ROS1: variants seen among roughly 807,000 people sequenced by gnomAD.
ROS1 encodes ROS proto-oncogene 1, receptor tyrosine kinase.
In ROS1, 263 loss-of-function variants were observed where a neutral mutation model predicts 273.5. The observed-to-expected ratio is 0.96, with a 90% confidence interval of 0.87 to 1.06. ROS1 has a LOEUF of 1.06. ROS1 is among the 50% of genes least tolerant of loss of function. The pLI is 0.00. For missense variants in ROS1, 2,833 were observed against 2,751.1 expected (o/e 1.03, Z -0.67); for synonymous variants, 1,008 against 954.1 (o/e 1.06, Z -1.04).
At chr6:117,401,908 T>C (rs963757621) in intron 7 of ROS1, among the ~76,000 whole-genome samples, 2 of 150,030 alleles carry the variant, frequency 1.3e-5, no homozygotes, top group Non-Finnish European at 3.0e-5. Context: ...TAAAATTACA[T>C]CAAGAAATAA....
intron 29 of ROS1, 67 bp downstream of exon 29, chr6:117,342,333 A>G: frequency 7.2e-7 from 1 of 1,380,130 alleles, no homozygotes; most frequent in African/African-American, 1.5e-5. Context: ...AAAAATAAAC[A>G]TCAACATACA....
intron 41 of ROS1, among the ~76,000 whole-genome samples, chr6:117,309,234 A>G (rs574081634): frequency 6.7e-4 from 102 of 152,310 alleles, no homozygotes; most frequent in African/African-American, 2.3e-3. Flanking sequence ...ACACATATGC[A>G]CACACAGAAA....
intron 13 of ROS1, 134 bp from the exon 14 acceptor site, chr6:117,388,126 T>C: frequency 7.5e-7 from 1 of 1,333,548 alleles, no homozygotes; most frequent in Non-Finnish European, 1.0e-6. Context: ...GCTACCCCGA[T>C]AATCACCAGG....
chr6:117,288,781 C>A lies in ROS1; in HGVS notation c.6737G>T (p.Cys2246Phe), dbSNP rs779954823. The A allele has an allele frequency of 1.9e-6, 3 of 1,602,206 alleles. No homozygotes were observed. Among genetic ancestry groups the A allele is most frequent in the Non-Finnish European group, 2.6e-6 (3 of 1,174,536 alleles). ...SFEGEDGDVI[C>F]LNSDDIMPVA... ...TGGCATAATGTCATCTGAATTCAAACAAATCACATCGCCATCTTCACCTGT... is the reference window on the plus strand; with the variant it reads ...TGGCATAATGTCATCTGAATTCAAAAAAATCACATCGCCATCTTCACCTGT... Residue 2246 changes from cysteine (C) to phenylalanine (F), a missense_variant, in exon 44 of 44, where the codon TGT becomes TTT. Cys to Phe is a radical substitution (Grantham distance 205). Coordinates refer to ENST00000368507, the MANE Select transcript of ROS1 (RefSeq NM_001378902.1).
chr6:117,289,281 T>G (rs1017429246), intron 43 of ROS1, among the ~76,000 whole-genome samples: 1 of 152,242 alleles, frequency 6.6e-6, no homozygotes, highest in African/African-American at 2.4e-5. Flanking sequence ...AATTAATTGC[T>G]TAATGTAATA....
chr6:117,301,213 A>T (rs1455980660), intron 42 of ROS1, 76 bp from the exon 43 acceptor site: 2 of 1,245,124 alleles, frequency 1.6e-6, no homozygotes, highest in African/African-American at 3.1e-5. Flanking sequence ...GGGTCATTTT[A>T]GAAAGGAAAG....
chr6:117,416,313 A>G lies in ROS1; in HGVS notation c.173T>C (p.Ile58Thr). Residue 58 changes from isoleucine to threonine, a missense_variant, in exon 3 of 44, where the codon ATC (isoleucine) becomes ACC (threonine). Ile to Thr is a moderately conservative substitution (Grantham distance 89, BLOSUM62 -1). Coordinates refer to ENST00000368507, the MANE Select transcript of ROS1 (RefSeq NM_001378902.1). ...AGAGTTCCAAAAGTGACATCCTTGGATACACTGCAAGAGACAATAACAGAC... is the reference window on the plus strand; with the variant it reads ...AGAGTTCCAAAAGTGACATCCTTGGGTACACTGCAAGAGACAATAACAGAC... Reference protein sequence around the residue: ...GTPHNLSEPCIQGCHFWNSVD... With the variant: ...GTPHNLSEPCTQGCHFWNSVD... 2.5e-6 allele frequency: 4 copies of G among 1,599,864 alleles called. No individual in the cohort carries two copies. The African/African-American group carries it at 5.4e-5, about 21-fold the overall frequency.
chr6:117,352,465 T>A (rs1464447423), intron 27 of ROS1, among the ~76,000 whole-genome samples: 1 of 149,790 alleles, frequency 6.7e-6, no homozygotes, highest in Non-Finnish European at 1.5e-5. Context: ...ATCAGTGACA[T>A]TTTTTTTAAA....
chr6:117,405,967 G>T (rs1224440399), intron 5 of ROS1, among the ~76,000 whole-genome samples: 4 of 152,132 alleles, frequency 2.6e-5, no homozygotes, highest in African/African-American at 9.7e-5. Context: ...TGAGAAAAGT[G>T]GTCAACTCAT....
At chr6:117,326,091 TTATATATATATATATA>T (rs56113300) in intron 34 of ROS1, 117 bp downstream of exon 34, 2,520 of 148,326 alleles carry the variant, frequency 0.017, 45 homozygotes, top group Non-Finnish European at 0.023. Flanking sequence ...GATAATAAGA[TTATATATATATATATA>T]TATATATATA....
chr6:117,361,674 T>C (rs1485177851), intron 22 of ROS1, among the ~76,000 whole-genome samples: 1 of 151,406 alleles, frequency 6.6e-6, no homozygotes, highest in East Asian at 1.9e-4. Flanking sequence ...TCTTTAACTT[T>C]CATGTATAAC....
At chr6:117,412,183 C>G (rs532815709) in intron 4 of ROS1, among the ~76,000 whole-genome samples, 2 of 152,064 alleles carry the variant, frequency 1.3e-5, no homozygotes, top group Admixed American at 1.3e-4. Flanking sequence ...GCTGGTAGAC[C>G]TTTGTATTTT....
intron 36 of ROS1, 75 bp from the exon 37 acceptor site, chr6:117,320,105 T>C (rs1440471483): frequency 1.1e-5 from 15 of 1,322,592 alleles, no homozygotes; most frequent in Non-Finnish European, 1.6e-5. Context: ...GGTATTGGTA[T>C]TTGTGTTTGA....
At chr6:117,358,429 C>T (rs766101670) in intron 24 of ROS1, among the ~76,000 whole-genome samples, 2 of 151,980 alleles carry the variant, frequency 1.3e-5, no homozygotes, top group African/African-American at 2.4e-5. Flanking sequence ...TATGGTCCTC[C>T]TTGACTTCTT....
intron 7 of ROS1, among the ~76,000 whole-genome samples, chr6:117,399,875 T>C (rs568632604): frequency 6.6e-6 from 1 of 152,332 alleles, no homozygotes; most frequent in African/African-American, 2.4e-5. Context: ...TCACTCATTC[T>C]CTCAATCTAT....
chr6:117,293,913 G>C (rs1232085783), intron 43 of ROS1, among the ~76,000 whole-genome samples: 1 of 152,012 alleles, frequency 6.6e-6, no homozygotes, highest in Non-Finnish European at 1.5e-5. Context: ...ACAAAATACT[G>C]GCAAGCCAAA....
intron 42 of ROS1, among the ~76,000 whole-genome samples, chr6:117,307,869 C>G (rs777354149): frequency 6.6e-6 from 1 of 152,082 alleles, no homozygotes; most frequent in Non-Finnish European, 1.5e-5. Flanking sequence ...ACTGCTAATT[C>G]CTTTTGCACT....
At chr6:117,375,697 A>G (rs1781276783) in intron 18 of ROS1, among the ~76,000 whole-genome samples, 1 of 152,218 alleles carries the variant, frequency 6.6e-6, no homozygotes, top group Non-Finnish European at 1.5e-5. Flanking sequence ...ATGTGGCCAT[A>G]GTAATATCAG....
At chr6:117,294,950 G>GA (rs1231689695) in intron 43 of ROS1, among the ~76,000 whole-genome samples, 10 of 151,960 alleles carry the variant, frequency 6.6e-5, no homozygotes, top group Non-Finnish European at 1.5e-4. Context: ...CACAGAAATA[G>GA]AAAAAAATCT....
Sources: gnomAD v4.1 joint callset for allele counts (sites outside exome capture counted in the v4.1 genomes callset) on GRCh38, gnomAD v4.1.1 for gene constraint, MANE v1.5 for transcripts, NCBI Gene and HGNC (gene_info 2026-07-23, HGNC 2026-07-21) for gene names.